The following EYS variants were observed in gnomAD, a reference collection of about 807,000 sequenced individuals.
The protein encoded by EYS is EGF-like photoreceptor maintenance factor.
Under a neutral mutation model 282.1 loss-of-function variants are expected in EYS, and 250 were observed. The ratio of observed to expected loss-of-function variants is 0.89; its 90% CI spans 0.80 to 0.98. EYS has a LOEUF of 0.98. Among genes scored for constraint, EYS ranks in the 50% least tolerant of loss-of-function variants. EYS has a pLI of 0.00. For missense variants in EYS, 4,016 were observed against 3,709.0 expected, an observed-to-expected ratio of 1.08 and a Z score of -2.15; for synonymous variants, 1,355 against 1,282.9, an observed-to-expected ratio of 1.06 and a Z score of -1.20.
chr6:64,635,949 G>A (rs1192453380), intron 22 of EYS, among the ~76,000 whole-genome samples: 1 of 150,788 alleles, frequency 6.6e-6, no homozygotes, highest in Non-Finnish European at 1.5e-5. Context: ...AATCCATCTG[G>A]TCCTGGACTT....
chr6:65,009,257 A>C (rs1380702391), intron 13 of EYS, among the ~76,000 whole-genome samples: 1 of 152,112 alleles, frequency 6.6e-6, no homozygotes, highest in African/African-American at 2.4e-5. Flanking sequence ...ACTCCAAAAA[A>C]TTAAGGACCT....
chr6:63,726,149 T>C (rs537939269), intron 42 of EYS, among the ~76,000 whole-genome samples: 1 of 152,288 alleles, frequency 6.6e-6, no homozygotes, highest in African/African-American at 2.4e-5. Flanking sequence ...TTTGGAGCTA[T>C]AAATGTGGTT....
intron 18 of EYS, among the ~76,000 whole-genome samples, chr6:64,897,953 A>G (rs1167394548): frequency 6.6e-6 from 1 of 152,224 alleles, no homozygotes; most frequent in Non-Finnish European, 1.5e-5. Flanking sequence ...ATATGGGACT[A>G]TGTGAAAAGA....
intron 36 of EYS, among the ~76,000 whole-genome samples, chr6:63,835,521 A>T (rs1771782380): frequency 6.6e-6 from 1 of 152,060 alleles, no homozygotes; most frequent in Non-Finnish European, 1.5e-5. Flanking sequence ...GATATGTGGG[A>T]ACTAAGTTAT....
At position 65,495,364 on chromosome 6, in the gene EYS, C is replaced by A. The variant is rs755010017; in HGVS notation, c.47G>T (p.Ser16Ile). 2.0e-5 allele frequency: 33 copies of A among 1,613,206 alleles called. No individual in the cohort carries two copies. Among genetic ancestry groups the A allele is most frequent in the Non-Finnish European group, 2.8e-5 (33 of 1,179,978 alleles). ...IVILSLMVFH[S>I]SFINGKTCRR... ...ACATGTTTTTCCATTTATGAAAGAG[C>A]TGTGAAAAACCATCAGGCTCAGAAT... is the stretch of plus-strand genomic sequence containing the variant. Residue 16 changes from serine to isoleucine, a missense_variant, in exon 4 of 43, where the codon AGC becomes ATC. Transcript: ENST00000503581.
At chr6:65,520,474 T>C (rs748163704) in intron 2 of EYS, among the ~76,000 whole-genome samples, 4 of 152,062 alleles carry the variant, frequency 2.6e-5, no homozygotes, top group Non-Finnish European at 4.4e-5. Context: ...AATTTGAAGT[T>C]ATAATGTCTA....
chr6:64,754,003 T>A (rs1288462175), intron 22 of EYS, among the ~76,000 whole-genome samples: 2 of 152,098 alleles, frequency 1.3e-5, no homozygotes, highest in African/African-American at 4.8e-5. Context: ...TCCTGAATGA[T>A]CTTTGGGTAC....
intron 35 of EYS, among the ~76,000 whole-genome samples, chr6:63,869,934 G>A (rs914445957): frequency 2.0e-5 from 3 of 152,042 alleles, no homozygotes; most frequent in African/African-American, 2.4e-5. Context: ...AAAATCTCAG[G>A]ATCTTAGAAT....
At chr6:65,231,111 G>GTATTTATATATATATACTTATATATA (rs1766765476) in intron 12 of EYS, among the ~76,000 whole-genome samples, 1 of 101,190 alleles carries the variant, frequency 9.9e-6, no homozygotes, top group Non-Finnish European at 2.0e-5. Context: ...TTATATATAT[G>GTATTTATATATATATACTTATATATA]TATTTATATA....
chr6:64,872,712 T>TG (rs1409514839), intron 19 of EYS, among the ~76,000 whole-genome samples: 4 of 151,954 alleles, frequency 2.6e-5, no homozygotes, highest in Non-Finnish European at 5.9e-5. Flanking sequence ...ATTATGATAG[T>TG]GAGAGTAAAC....
intron 7 of EYS, among the ~76,000 whole-genome samples, chr6:65,394,499 A>G (rs542126215): frequency 6.6e-6 from 1 of 152,088 alleles, no homozygotes; most frequent in African/African-American, 2.4e-5. Flanking sequence ...TGTGTAAGTG[A>G]AGTGCAGCAC....
intron 19 of EYS, among the ~76,000 whole-genome samples, chr6:64,867,996 T>C (rs1054039002): frequency 2.0e-5 from 3 of 151,428 alleles, no homozygotes; most frequent in Non-Finnish European, 3.0e-5. Context: ...AACCCTTGTA[T>C]ATCATTTAGA....
chr6:64,828,976 C>T (rs375196256), intron 19 of EYS, among the ~76,000 whole-genome samples: 6 of 152,066 alleles, frequency 3.9e-5, no homozygotes, highest in South Asian at 2.1e-4. Context: ...GGACATCCTT[C>T]GGATGGGCAG....
Position 64,686,893 on chromosome 6 carries a change from A to G in EYS, c.3444-60648T>C, listed in dbSNP as rs1770161064. ...CGTGTATATATATATACACACACAT[A>G]TATATGTGTATATATATACACACAT... On this transcript the variant is annotated intron_variant, in intron 22 of 42. Coordinates refer to ENST00000503581, the MANE Select transcript of EYS (RefSeq NM_001142800.2). Among the ~76,000 whole-genome samples, 4 of 77,494 alleles carry G rather than the reference A, an allele frequency of 5.2e-5. 2 individuals carry two copies. The South Asian group carries it at 1.9e-3, about 37-fold the overall frequency. The allele number at this position is 77,494 out of a possible 152,430, so 50.8% of individuals were successfully genotyped here. A position where few individuals can be genotyped will look rare whatever the true frequency, so the allele number is the denominator to read the frequency against.
chr6:64,066,280 A>G, intron 33 of EYS, 58 bp downstream of exon 33: 2 of 1,470,162 alleles, frequency 1.4e-6, no homozygotes, highest in Non-Finnish European at 1.8e-6. Flanking sequence ...TCCATCTCAA[A>G]ACAAACGAAC....
chr6:65,086,978 A>G (rs943448350), intron 12 of EYS, among the ~76,000 whole-genome samples: 5 of 152,002 alleles, frequency 3.3e-5, no homozygotes, highest in African/African-American at 1.2e-4. Flanking sequence ...GCGTCCCACA[A>G]CACCCAGCTA....
At chr6:65,191,975 T>C (rs1169026865) in intron 12 of EYS, among the ~76,000 whole-genome samples, 2 of 151,666 alleles carry the variant, frequency 1.3e-5, no homozygotes, top group Non-Finnish European at 2.9e-5. Flanking sequence ...TTTTAAAGAC[T>C]TCCAAAATAT....
At chr6:63,870,188 T>C (rs1054348270) in intron 35 of EYS, among the ~76,000 whole-genome samples, 1 of 152,220 alleles carries the variant, frequency 6.6e-6, no homozygotes, top group African/African-American at 2.4e-5. Flanking sequence ...TAAAATGTTA[T>C]TTTAATTTCC....
At chr6:64,601,806 C>G (rs905746288) in intron 24 of EYS, among the ~76,000 whole-genome samples, 1 of 152,006 alleles carries the variant, frequency 6.6e-6, no homozygotes, top group Non-Finnish European at 1.5e-5. Context: ...CCTAACCTGA[C>G]CCTGTTTACT....
Sources: gnomAD v4.1 joint callset for allele counts (sites outside exome capture counted in the v4.1 genomes callset) on GRCh38, gnomAD v4.1.1 for gene constraint, MANE v1.5 for transcripts, NCBI Gene and HGNC (gene_info 2026-07-23, HGNC 2026-07-21) for gene names.